The following LRRC37A2 variants were observed in gnomAD, a reference collection of about 807,000 sequenced individuals.
The protein encoded by LRRC37A2 is leucine-rich repeat-containing protein 37A2.
Under a neutral mutation model 68.8 loss-of-function variants are expected in LRRC37A2, and 9 were observed. That is an observed-to-expected ratio of 0.13 (90% CI 0.08 to 0.23). LRRC37A2 has a LOEUF of 0.23. Ranked by LOEUF, LRRC37A2 falls within the 10% of genes least tolerant of loss-of-function variation. LRRC37A2 has a pLI of 1.00. For synonymous variants in LRRC37A2, 63 were observed against 367.6 expected (o/e 0.17, Z 9.48); for missense variants, 168 against 950.4 (o/e 0.18, Z 10.82).
chr17:46,781,288 G>A, the LRRC37A2 span, among the ~76,000 whole-genome samples: 1 of 151,726 alleles, frequency 6.6e-6, no homozygotes, highest in Non-Finnish European at 1.5e-5. Flanking sequence ...ACAACGTAGA[G>A]GAAACTTGAA....
chr17:46,875,893 G>C, the LRRC37A2 span, among the ~76,000 whole-genome samples: 1 of 152,316 alleles, frequency 6.6e-6, no homozygotes, highest in East Asian at 1.9e-4. Flanking sequence ...CAGTGCTCTA[G>C]CTGTTTATGA....
the LRRC37A2 span, among the ~76,000 whole-genome samples, chr17:47,013,739 A>T: frequency 6.6e-6 from 1 of 152,252 alleles, no homozygotes; most frequent in Non-Finnish European, 1.5e-5. Flanking sequence ...TATTTCAGAA[A>T]GTGGTAAAAT....
At chr17:46,872,102 A>G in the LRRC37A2 span, among the ~76,000 whole-genome samples, 28 of 152,232 alleles carry the variant, frequency 1.8e-4, 1 homozygote, top group East Asian at 5.2e-3. Context: ...TCTGTGCATT[A>G]TTTCCCAAAC....
the LRRC37A2 span, chr17:46,728,970 AAG>A: frequency 1.5e-6 from 2 of 1,304,964 alleles, no homozygotes; most frequent in Non-Finnish European, 2.2e-6. Flanking sequence ...TATTTTAACA[AAG>A]AGTTTTTCAG....
the LRRC37A2 span, among the ~76,000 whole-genome samples, chr17:46,891,029 A>G: frequency 1.4e-4 from 22 of 152,114 alleles, no homozygotes; most frequent in Non-Finnish European, 1.6e-4. Flanking sequence ...GAGGCTGGAA[A>G]GGGGAAGAGC....
chr17:46,440,397 A>ATT, the LRRC37A2 span, among the ~76,000 whole-genome samples: 2 of 64,074 alleles, frequency 3.1e-5, no homozygotes, highest in Admixed American at 3.0e-4. Context: ...ATTTTATTTT[A>ATT]TTTTTTTTTT....
At chr17:46,987,405 T>C in the LRRC37A2 span, among the ~76,000 whole-genome samples, 23 of 152,184 alleles carry the variant, frequency 1.5e-4, no homozygotes, top group African/African-American at 5.5e-4. Flanking sequence ...GCCTGGCATT[T>C]ACATTTCCCC....
chr17:46,912,438 C>G, the LRRC37A2 span, among the ~76,000 whole-genome samples: 1 of 152,210 alleles, frequency 6.6e-6, no homozygotes. Context: ...GGCTTTCCAG[C>G]CCCTTTTATC....
the LRRC37A2 span, among the ~76,000 whole-genome samples, chr17:46,782,898 C>T: frequency 6.6e-6 from 1 of 152,210 alleles, no homozygotes; most frequent in South Asian, 2.1e-4. Flanking sequence ...ACCTTCTTGA[C>T]ATTTCAGTGC....
chr17:46,816,514 C>T, the LRRC37A2 span, among the ~76,000 whole-genome samples: 1 of 141,634 alleles, frequency 7.1e-6, no homozygotes, highest in East Asian at 2.1e-4. Context: ...CACACACACA[C>T]ACCTCTCTCC....
chr17:46,900,162 C>CATATATATATATATATATAT, the LRRC37A2 span, among the ~76,000 whole-genome samples: 2 of 101,146 alleles, frequency 2.0e-5, no homozygotes, highest in African/African-American at 9.7e-5. Context: ...TATATATATA[C>CATATATATATATATATATAT]ATATACATAT....
the LRRC37A2 span, among the ~76,000 whole-genome samples, chr17:46,722,995 T>A: frequency 5.3e-5 from 8 of 152,204 alleles, no homozygotes; most frequent in Non-Finnish European, 1.0e-4. Context: ...CTGCTGCAGG[T>A]ATTTTTCCTC....
At chr17:46,787,958 A>G in the LRRC37A2 span, among the ~76,000 whole-genome samples, 4 of 124,522 alleles carry the variant, frequency 3.2e-5, no homozygotes, top group African/African-American at 7.7e-5. Flanking sequence ...TCTGCCTCAG[A>G]AAAAAAAAAA....
At chr17:46,937,697 T>C in the LRRC37A2 span, 1 of 152,272 alleles carries the variant, frequency 6.6e-6, no homozygotes, top group Non-Finnish European at 1.5e-5. Context: ...CTCTTTTCTA[T>C]GTGGCTTCTT....
At chr17:47,036,785 T>C in the LRRC37A2 span, among the ~76,000 whole-genome samples, 1 of 151,234 alleles carries the variant, frequency 6.6e-6, no homozygotes, top group Non-Finnish European at 1.5e-5. Flanking sequence ...CTTCCCACTT[T>C]GTTATTTTAC....
chr17:46,444,506 G>A, the LRRC37A2 span, among the ~76,000 whole-genome samples: 20 of 98,892 alleles, frequency 2.0e-4, no homozygotes, highest in Non-Finnish European at 3.0e-4. Context: ...CTGAGGTCAG[G>A]TGATCCACCC....
the LRRC37A2 span, among the ~76,000 whole-genome samples, chr17:46,868,446 A>C: frequency 6.6e-6 from 1 of 151,494 alleles, no homozygotes; most frequent in African/African-American, 2.4e-5. Context: ...ACACAAAAAA[A>C]ATAGCTGGGC....
chr17:46,771,064 T>C, the LRRC37A2 span, among the ~76,000 whole-genome samples: 1 of 152,166 alleles, frequency 6.6e-6, no homozygotes, highest in Non-Finnish European at 1.5e-5. Flanking sequence ...CCTCCCCTCC[T>C]GGGCTGTGGG....
chr17:46,541,612 C>G (rs1322190593), intron 8 of LRRC37A2, among the ~76,000 whole-genome samples: 1 of 150,888 alleles, frequency 6.6e-6, no homozygotes, highest in Non-Finnish European at 1.5e-5. Flanking sequence ...CCTATCACTA[C>G]AGCTGGCCCT....
Sources: allele counts gnomAD v4.1 joint callset (sites outside exome capture counted in the v4.1 genomes callset), GRCh38; gene constraint gnomAD v4.1.1; transcripts MANE v1.5; gene names NCBI Gene and HGNC (gene_info 2026-07-23, HGNC 2026-07-21).